ATP9B: variants seen among roughly 807,000 people sequenced by gnomAD.
ATP9B encodes ATPase phospholipid transporting 9B, also known as probable phospholipid-transporting ATPase IIB.
Under a neutral mutation model 146.1 loss-of-function variants are expected in ATP9B, and 110 were observed. That is an observed-to-expected ratio of 0.75 (90% CI 0.65 to 0.88). The LOEUF is 0.88. ATP9B is among the 40% of genes least tolerant of loss of function. ATP9B has a pLI of 0.00. For missense variants in ATP9B, 1,499 were observed against 1,496.4 expected (o/e 1.00, Z -0.03); for synonymous variants, 604 against 569.7 (o/e 1.06, Z -0.86).
At chr18:79,327,646 C>CGTGCTCTCTGTGGTT (rs1242877078) in intron 15 of ATP9B, among the ~76,000 whole-genome samples, 1 of 124,322 alleles carries the variant, frequency 8.0e-6, no homozygotes, top group Non-Finnish European at 1.7e-5. Context: ...CCCTGGTTAG[C>CGTGCTCTCTGTGGTT]ATGCTCTCCG....
At chr18:79,321,804 TA>T in intron 15 of ATP9B, among the ~76,000 whole-genome samples, 1 of 152,288 alleles carries the variant, frequency 6.6e-6, no homozygotes, top group Middle Eastern at 3.4e-3. Flanking sequence ...AACTAAATAA[TA>T]AACAGATGTG....
chr18:79,176,294 A>G (rs2095168968), intron 7 of ATP9B, among the ~76,000 whole-genome samples: 1 of 152,208 alleles, frequency 6.6e-6, no homozygotes, highest in South Asian at 2.1e-4. Flanking sequence ...GATTTTCATA[A>G]TAGAATATCT....
At position 79,106,369 on chromosome 18, in the gene ATP9B, C is replaced by A. The variant is rs142146269; in HGVS notation, c.294-3986C>A. Among the ~76,000 whole-genome samples the A allele has an allele frequency of 9.9e-5, 15 of 152,248 alleles. No homozygotes were observed. In the East Asian group the frequency reaches 2.5e-3, roughly 25 times the overall value. On this transcript the variant is annotated intron_variant, in intron 2 of 29. Transcript: ENST00000426216. ...CCATATTTCATTTTCCTTTTTAGCTCTACTACTCAGTGAGGCTTAAACATA... is the reference window on the plus strand; with the variant it reads ...CCATATTTCATTTTCCTTTTTAGCTATACTACTCAGTGAGGCTTAAACATA...
At chr18:79,192,412 A>G (rs182297255) in intron 8 of ATP9B, among the ~76,000 whole-genome samples, 3 of 152,248 alleles carry the variant, frequency 2.0e-5, no homozygotes, top group Admixed American at 2.0e-4. Context: ...TCAGCATATG[A>G]TCCTCCCCCT....
At chr18:79,290,497 G>T (rs1207724657) in intron 13 of ATP9B, among the ~76,000 whole-genome samples, 1 of 152,186 alleles carries the variant, frequency 6.6e-6, no homozygotes, top group Non-Finnish European at 1.5e-5. Context: ...GGAGTGACCC[G>T]ATTTTCCAGG....
intron 16 of ATP9B, 147 bp from the exon 17 acceptor site, chr18:79,329,865 C>T (rs978393340): frequency 2.9e-5 from 20 of 686,466 alleles, no homozygotes; most frequent in African/African-American, 8.9e-5. Context: ...CCTAGCCCTC[C>T]GCGTAGAAAC....
chr18:79,294,337 T>G (rs558367969), intron 13 of ATP9B, among the ~76,000 whole-genome samples: 1 of 152,206 alleles, frequency 6.6e-6, no homozygotes, highest in African/African-American at 2.4e-5. Context: ...GGTGGCTGTT[T>G]ACATCAGAGG....
chr18:79,342,165 A>C (rs2096863001), intron 19 of ATP9B, 103 bp from the exon 20 acceptor site: 1 of 788,014 alleles, frequency 1.3e-6, no homozygotes, highest in Admixed American at 1.8e-5. Flanking sequence ...ATTGACGGGC[A>C]CCTGGGTTGC....
chr18:79,173,448 C>G (rs1214608055), intron 7 of ATP9B, among the ~76,000 whole-genome samples: 3 of 149,026 alleles, frequency 2.0e-5, no homozygotes, highest in African/African-American at 7.5e-5. Flanking sequence ...TTTTTTTGTC[C>G]TAAAAGTTTT....
intron 15 of ATP9B, among the ~76,000 whole-genome samples, chr18:79,307,790 G>A (rs1327840552): frequency 6.6e-6 from 1 of 152,122 alleles, no homozygotes; most frequent in African/African-American, 2.4e-5. Context: ...TTTAGATCGG[G>A]AAAATTCATT....
chr18:79,333,019 T>G (rs1428608136), intron 17 of ATP9B: 1 of 152,254 alleles, frequency 6.6e-6, no homozygotes, highest in East Asian at 1.9e-4. Context: ...TCAATAATGT[T>G]TATTTGCCTA....
At chr18:79,163,228 A>C (rs768872176) in intron 7 of ATP9B, among the ~76,000 whole-genome samples, 50 of 152,308 alleles carry the variant, frequency 3.3e-4, no homozygotes, top group South Asian at 1.9e-3. Flanking sequence ...TTTTAACTGT[A>C]CTTAACTTGA....
Position 79,376,214 on chromosome 18 carries a change from C to CACACACACACACAA in ATP9B, c.3307+789_3307+790insCACACACACACAAA. On this transcript the variant is annotated intron_variant, in intron 29 of 29. Coordinates refer to ENST00000426216, the MANE Select transcript of ATP9B (RefSeq NM_198531.5). ...ACACACACACACACACACACACACA[C>CACACACACACACAA]AAAACAAAACAAAAAAATGGCTAGC... The CACACACACACACAA allele has an allele frequency of 2.3e-3, 1,989 of 877,124 alleles. 36 individuals carry two copies. The highest frequency in any genetic ancestry group is 4.9e-3 in the Middle Eastern group (8 of 1,630). The allele number at this position is 877,124 out of a possible 1,614,324, so 54.3% of individuals were successfully genotyped here.
intron 1 of ATP9B, among the ~76,000 whole-genome samples, chr18:79,075,525 C>A (rs981534921): frequency 6.6e-6 from 1 of 152,126 alleles, no homozygotes; most frequent in Non-Finnish European, 1.5e-5. Context: ...CCTGTGTGTT[C>A]TAGATGCATT....
intron 7 of ATP9B, among the ~76,000 whole-genome samples, 180 bp from the exon 8 acceptor site, chr18:79,176,633 G>A (rs142248308): frequency 6.6e-6 from 1 of 152,308 alleles, no homozygotes; most frequent in Non-Finnish European, 1.5e-5. Context: ...AACCTGTTTT[G>A]TGAATCAAGG....
chr18:79,376,647 C>G (rs1016620188), intron 29 of ATP9B, among the ~76,000 whole-genome samples: 1 of 151,562 alleles, frequency 6.6e-6, no homozygotes, highest in Non-Finnish European at 1.5e-5. Flanking sequence ...ACCTCAGCCT[C>G]GCAAAGTGCT....
At chr18:79,146,489 A>C (rs1404225806) in intron 6 of ATP9B, 1 of 153,486 alleles carries the variant, frequency 6.5e-6, no homozygotes, top group Non-Finnish European at 1.3e-5. Flanking sequence ...GTGGAGAGTG[A>C]CTGAAGGTGC....
chr18:79,378,228 A>G lies in ATP9B; in HGVS notation c.*845A>G, dbSNP rs1379051486. ...CCTTTGCTGAAGATACCCTCGCTTT[A>G]TACTTGCATTTCGCTTTTCAGTAAA... On this transcript the variant is annotated 3_prime_UTR_variant, in exon 30 of 30. Transcript: ENST00000426216. 1 of 152,244 alleles carries G rather than the reference A, an allele frequency of 6.6e-6. No homozygotes were observed. The highest frequency in any genetic ancestry group is 3.2e-3 in the Middle Eastern group (1 of 316). The allele number at this position is 152,244 out of a possible 1,614,324, so 9.4% of individuals were successfully genotyped here. A position where few individuals can be genotyped will look rare whatever the true frequency, so the allele number is the denominator to read the frequency against.
chr18:79,116,963 ATGAT>A (rs1397902712), intron 4 of ATP9B, among the ~76,000 whole-genome samples: 6 of 146,752 alleles, frequency 4.1e-5, no homozygotes, highest in African/African-American at 7.4e-5. Flanking sequence ...AAAAGAAATA[ATGAT>A]TGATCACAAA....
Sources: allele counts gnomAD v4.1 joint callset (sites outside exome capture counted in the v4.1 genomes callset), GRCh38; gene constraint gnomAD v4.1.1; transcripts MANE v1.5; gene names NCBI Gene and HGNC (gene_info 2026-07-23, HGNC 2026-07-21).